TRAF5: variants seen among roughly 807,000 people sequenced by gnomAD.
TRAF5 encodes TNF receptor-associated factor 5.
In TRAF5, 48 loss-of-function variants were observed where a neutral mutation model predicts 64.5. The ratio of observed to expected loss-of-function variants is 0.74; its 90% CI spans 0.59 to 0.95. The LOEUF (loss-of-function observed/expected upper bound fraction) is 0.95. Among genes scored for constraint, TRAF5 ranks in the 40% least tolerant of loss-of-function variants. TRAF5 has a pLI of 0.00. For missense variants in TRAF5, 545 were observed against 662.8 expected (o/e 0.82, Z 1.95); for synonymous variants, 206 against 240.5 (o/e 0.86, Z 1.33).
Position 211,369,452 on chromosome 1 carries a change from A to G in TRAF5, c.790A>G (p.Ile264Val). The change falls in exon 9 of 11, where the codon ATT (isoleucine) becomes GTT (valine). Residue 264 changes from isoleucine (I) to valine (V), a missense_variant and splice_region_variant. Ile to Val is a conservative substitution (Grantham distance 29). Coordinates refer to ENST00000261464, the MANE Select transcript of TRAF5 (RefSeq NM_001033910.3). ...TTTTTCCTCACGTTCCTGTTATTAGATTTCTGACTTACACAAGAGCCTAGA... is the reference window on the plus strand; with the variant it reads ...TTTTTCCTCACGTTCCTGTTATTAGGTTTCTGACTTACACAAGAGCCTAGA... ...LEKNVQLEEQISDLHKSLEQK... is the reference protein window; with the variant it reads ...LEKNVQLEEQVSDLHKSLEQK... 1.3e-6 allele frequency: 2 copies of G among 1,577,228 alleles called. No homozygotes were observed. The highest frequency in any genetic ancestry group is 2.0e-5 in the Admixed American group (1 of 50,270).
Position 211,359,918 on chromosome 1 carries a change from C to A in TRAF5, c.385C>A (p.Leu129Ile), listed in dbSNP as rs754237258. 12 of 1,613,862 alleles carry A rather than the reference C, an allele frequency of 7.4e-6. No homozygotes were observed. Among genetic ancestry groups the A allele is most frequent in the Admixed American group, 5.0e-5 (3 of 59,996 alleles). Residue 129 changes from leucine (L) to isoleucine (I), a missense_variant, in exon 5 of 11, where the codon CTT (leucine) becomes ATT (isoleucine). Transcript: ENST00000261464. ...KVILGRYQDH[L>I]QQCLFQPVQC... ...CTGTTGTTATCTGTTGCAGGATCAC[C>A]TTCAGCAGTGCTTATTTCAACCTGT...
intron 1 of TRAF5, among the ~76,000 whole-genome samples, chr1:211,329,461 A>C (rs998940473): frequency 1.3e-5 from 2 of 152,214 alleles, no homozygotes; most frequent in Admixed American, 1.3e-4. Context: ...GGCACATGCT[A>C]TTCCTTCCAC....
chr1:211,366,449 A>G (rs990676731), intron 8 of TRAF5, among the ~76,000 whole-genome samples: 1 of 152,184 alleles, frequency 6.6e-6, no homozygotes, highest in African/African-American at 2.4e-5. Context: ...GCCAAGGAAG[A>G]TGTAGCCTCT....
At chr1:211,330,441 C>T (rs1283286058) in intron 1 of TRAF5, among the ~76,000 whole-genome samples, 1 of 151,696 alleles carries the variant, frequency 6.6e-6, no homozygotes. Flanking sequence ...TCCACGTACA[C>T]TCCCAAGTCA....
At chr1:211,337,046 A>G (rs1702319102) in intron 1 of TRAF5, among the ~76,000 whole-genome samples, 1 of 152,216 alleles carries the variant, frequency 6.6e-6, no homozygotes, top group Non-Finnish European at 1.5e-5. Flanking sequence ...GCACTGTTTT[A>G]TGTGTTGGGA....
At chr1:211,360,420 C>A in intron 5 of TRAF5, 1 of 497,496 alleles carries the variant, frequency 2.0e-6, no homozygotes, top group Non-Finnish European at 3.5e-6. Context: ...AGCATGGGTA[C>A]CTTTTACATG....
chr1:211,331,044 G>A (rs1237880123), intron 1 of TRAF5, among the ~76,000 whole-genome samples: 6 of 152,124 alleles, frequency 3.9e-5, no homozygotes, highest in South Asian at 4.1e-4. Flanking sequence ...GTCCGAGGCC[G>A]CCTCTTTCTC....
At chr1:211,370,795 T>C (rs1198963024) in intron 9 of TRAF5, among the ~76,000 whole-genome samples, 1 of 151,510 alleles carries the variant, frequency 6.6e-6, no homozygotes, top group Non-Finnish European at 1.5e-5. Context: ...AAGGGAGGAG[T>C]AGTTTTATTT....
Position 211,369,590 on chromosome 1 carries a change from C to G in TRAF5, c.928C>G (p.Gln310Glu), listed in dbSNP as rs146187607. 13 of 1,588,532 alleles carry G rather than the reference C, an allele frequency of 8.2e-6. No homozygotes were observed. The African/African-American group carries it at 1.5e-4, about 18-fold the overall frequency. ...GKNGSFLPNI[Q>E]VFASHIDKSA... The stretch of plus-strand genomic sequence containing the variant: ...AAATGGAAGCTTCCTCCCAAACATC[C>G]AGGTAAGAAATGGCCTTTGCGTTGA... Residue 310 changes from glutamine (Q) to glutamate (E), a missense_variant and splice_region_variant, in exon 9 of 11, where the codon CAG (glutamine) becomes GAG (glutamate). Gln to Glu is a conservative substitution (Grantham distance 29, BLOSUM62 2). Coordinates refer to ENST00000261464, the MANE Select transcript of TRAF5 (RefSeq NM_001033910.3).
chr1:211,363,474 A>G (rs936569987), intron 7 of TRAF5, among the ~76,000 whole-genome samples: 2 of 152,224 alleles, frequency 1.3e-5, no homozygotes, highest in Non-Finnish European at 2.9e-5. Flanking sequence ...TGGTAAAACT[A>G]GGAAAGTGGG....
intron 8 of TRAF5, among the ~76,000 whole-genome samples, chr1:211,368,103 A>G (rs1703412388): frequency 6.6e-6 from 1 of 152,084 alleles, no homozygotes; most frequent in African/African-American, 2.4e-5. Flanking sequence ...TTTTTAGATG[A>G]AGAGAGAGGT....
At chr1:211,339,448 G>C (rs945368404) in intron 1 of TRAF5, among the ~76,000 whole-genome samples, 5 of 152,196 alleles carry the variant, frequency 3.3e-5, no homozygotes, top group African/African-American at 1.2e-4. Context: ...GTTTCTGCAT[G>C]AAACTCGGTT....
chr1:211,373,356 G>C lies in TRAF5; in HGVS notation c.*654G>C, dbSNP rs1198202818. The C allele has an allele frequency of 6.6e-6, 1 of 152,202 alleles. No individual in the cohort carries two copies. Among genetic ancestry groups the C allele is most frequent in the African/African-American group, 2.4e-5 (1 of 41,414 alleles). The allele number at this position is 152,202 out of a possible 1,614,324, so 9.4% of individuals were successfully genotyped here. On this transcript the variant is annotated 3_prime_UTR_variant, in exon 11 of 11. Coordinates refer to ENST00000261464, the MANE Select transcript of TRAF5 (RefSeq NM_001033910.3). ...TCATTCTTCCTGCTGAAGTAAAGCA[G>C]AAAGTACTGCATAGTATATGAGATA... is the stretch of plus-strand genomic sequence containing the variant.
At chr1:211,337,902 A>G (rs1369387774) in intron 1 of TRAF5, among the ~76,000 whole-genome samples, 1 of 152,228 alleles carries the variant, frequency 6.6e-6, no homozygotes, top group Non-Finnish European at 1.5e-5. Context: ...ATGTGGAGGC[A>G]TAGACTAAAC....
chr1:211,353,762 T>C lies in TRAF5; in HGVS notation c.218+305T>C, dbSNP rs1221857591. ...GTGGAGAAGGGCTTGAATCTCACAA[T>C]GTCTGTGTTGTAGTCACCCCAATCT... On this transcript the variant is annotated intron_variant, in intron 2 of 10. Coordinates refer to ENST00000261464, the MANE Select transcript of TRAF5 (RefSeq NM_001033910.3). 4.5e-5 allele frequency: 19 copies of C among 420,168 alleles called. No individual in the cohort carries two copies. In the East Asian group the frequency reaches 9.7e-4, roughly 21 times the overall value. The allele number at this position is 420,168 out of a possible 1,614,324, so 26.0% of individuals were successfully genotyped here.
chr1:211,333,272 T>C (rs1702204327), intron 1 of TRAF5, among the ~76,000 whole-genome samples: 1 of 152,302 alleles, frequency 6.6e-6, no homozygotes, highest in African/African-American at 2.4e-5. Flanking sequence ...CACTGCAACC[T>C]CCGCCTCCCG....
intron 1 of TRAF5, among the ~76,000 whole-genome samples, chr1:211,328,722 G>T (rs1294410450): frequency 6.6e-6 from 1 of 152,204 alleles, no homozygotes; most frequent in East Asian, 1.9e-4. Flanking sequence ...CCTCTGATTA[G>T]CTCAGCTTTA....
chr1:211,337,456 G>A (rs1702332985), intron 1 of TRAF5, among the ~76,000 whole-genome samples: 1 of 152,152 alleles, frequency 6.6e-6, no homozygotes, highest in Admixed American at 6.5e-5. Flanking sequence ...AGAAACGAAG[G>A]GCCCTGACCT....
At chr1:211,353,113 TCA>T (rs553492914) in intron 1 of TRAF5, 124 bp from the exon 2 acceptor site, 1,248 of 963,978 alleles carry the variant, frequency 1.3e-3, no homozygotes, top group Admixed American at 2.9e-3. Flanking sequence ...TGTTTCAGAG[TCA>T]CAACAGAATG....
Sources: gnomAD v4.1 joint callset for allele counts (sites outside exome capture counted in the v4.1 genomes callset) on GRCh38, gnomAD v4.1.1 for gene constraint, MANE v1.5 for transcripts, NCBI Gene and HGNC (gene_info 2026-07-23, HGNC 2026-07-21) for gene names.